Variants in PPP1R12A observed in about 807,000 individuals in gnomAD.
The protein encoded by PPP1R12A is protein phosphatase 1 regulatory subunit 12A, also known as myosin binding subunit.
PPP1R12A carries 19 observed loss-of-function variants against 139.6 expected under a neutral mutation model. The ratio of observed to expected loss-of-function variants is 0.14; its 90% CI spans 0.09 to 0.20. The LOEUF is 0.20. Among genes scored for constraint, PPP1R12A ranks in the 10% least tolerant of loss-of-function variants. The probability of loss-of-function intolerance (pLI) is 1.00; values close to 1 mark genes in which losing one functional copy is unlikely to be tolerated. For missense variants in PPP1R12A, 925 were observed against 1,211.5 expected, an observed-to-expected ratio of 0.76 and a Z score of 3.51; for synonymous variants, 427 against 420.6, an observed-to-expected ratio of 1.02 and a Z score of -0.19.
At chr12:79,899,735 T>C (rs1165737993) in intron 1 of PPP1R12A, among the ~76,000 whole-genome samples, 2 of 152,136 alleles carry the variant, frequency 1.3e-5, no homozygotes, top group Admixed American at 6.5e-5. Context: ...TGGCTAAACA[T>C]AAGGAGTGGA....
intron 1 of PPP1R12A, among the ~76,000 whole-genome samples, chr12:79,915,831 G>A (rs1886947174): frequency 6.6e-6 from 1 of 152,076 alleles, no homozygotes; most frequent in African/African-American, 2.4e-5. Context: ...CATGTATACA[G>A]TAGTTCACCC....
Position 79,776,490 on chromosome 12 carries a change from A to C in PPP1R12A, c.3007-475T>G, listed in dbSNP as rs1448189917. On this transcript the variant is annotated intron_variant, in intron 24 of 24. Transcript: ENST00000450142. ...AATTAGACTTGTTCTAAATTATTAAAATTCCTTAAACGATTCACCTACAGT... is the reference window on the plus strand; with the variant it reads ...AATTAGACTTGTTCTAAATTATTAACATTCCTTAAACGATTCACCTACAGT... Among the ~76,000 whole-genome samples the C allele has an allele frequency of 2.6e-5, 4 of 152,152 alleles. 1 individual carries two copies. The East Asian group carries it at 7.7e-4, about 29-fold the overall frequency.
chr12:79,776,639 T>C (rs1210264686), intron 24 of PPP1R12A, among the ~76,000 whole-genome samples: 1 of 152,024 alleles, frequency 6.6e-6, no homozygotes, highest in East Asian at 1.9e-4. Context: ...TCTGTATCTA[T>C]GATCCAACTA....
Position 79,872,813 on chromosome 12 carries a change from A to T in PPP1R12A, c.363T>A (p.Ile121=). Residue 121 remains isoleucine (I), a synonymous_variant, in exon 2 of 25, where the codon ATT becomes ATA. Transcript: ENST00000450142. ...AAAACACAGAACTGGCTTACTCTGC[A>T]ATATCAAGATATCCACAGGAAGCTG... The part of the protein sequence containing the change: ...HAAASCGYLD[I]AEFLIGQGAH... 1 of 1,613,518 alleles carries T rather than the reference A, an allele frequency of 6.2e-7. No individual in the cohort carries two copies. Among genetic ancestry groups the T allele is most frequent in the Non-Finnish European group, 8.5e-7 (1 of 1,179,644 alleles).
intron 16 of PPP1R12A, 77 bp from the exon 17 acceptor site, chr12:79,797,027 T>C: frequency 1.4e-6 from 2 of 1,476,300 alleles, no homozygotes; most frequent in Non-Finnish European, 1.8e-6. Flanking sequence ...AAAATTCATT[T>C]CAAAGAAAAA....
chr12:79,934,659 TC>T, intron 1 of PPP1R12A, 35 bp downstream of exon 1: 1 of 1,489,294 alleles, frequency 6.7e-7, no homozygotes, highest in Non-Finnish European at 9.0e-7. Context: ...ACGAGAACCC[TC>T]ACGGTCAGGA....
intron 2 of PPP1R12A, among the ~76,000 whole-genome samples, chr12:79,866,769 A>G (rs1302336676): frequency 6.6e-6 from 1 of 152,250 alleles, no homozygotes; most frequent in Non-Finnish European, 1.5e-5. Flanking sequence ...CCACAATGAG[A>G]TACCATCTCA....
chr12:79,910,513 T>C (rs1886483715), intron 1 of PPP1R12A, among the ~76,000 whole-genome samples: 2 of 149,742 alleles, frequency 1.3e-5, no homozygotes, highest in Non-Finnish European at 3.0e-5. Flanking sequence ...CCTTAAAAAG[T>C]ATACTTCAAA....
intron 22 of PPP1R12A, among the ~76,000 whole-genome samples, chr12:79,783,560 A>T (rs1385550486): frequency 6.6e-6 from 1 of 152,198 alleles, no homozygotes; most frequent in African/African-American, 2.4e-5. Context: ...AATTGCTAGA[A>T]ATATAAAACA....
intron 12 of PPP1R12A, chr12:79,806,783 T>TAG (rs1413887519): frequency 6.2e-6 from 1 of 161,452 alleles, no homozygotes; most frequent in East Asian, 1.8e-4. Context: ...TGGTTGCTTT[T>TAG]AGTAAAGAAA....
At chr12:79,864,791 A>ATTTAACTT (rs1263146575) in intron 2 of PPP1R12A, among the ~76,000 whole-genome samples, 4 of 152,368 alleles carry the variant, frequency 2.6e-5, no homozygotes, top group African/African-American at 9.6e-5. Context: ...AAATCTCTGA[A>ATTTAACTT]CAGGACAATA....
At chr12:79,935,306 A>T (rs557152554), upstream of PPP1R12A, 5 of 1,047,124 alleles carry the variant, frequency 4.8e-6, no homozygotes, top group East Asian at 4.1e-4. Context: ...TGGCTGGGCC[A>T]CCAGAGGGAA....
rs1265770345 is a variant in PPP1R12A, at chr12:79,872,890, C to T, written c.286G>A (p.Gly96Arg). The T allele has an allele frequency of 6.2e-7, 1 of 1,613,398 alleles. No individual in the cohort carries two copies. Residue 96 changes from glycine (G) to arginine (R), a missense_variant, in exon 2 of 25, where the codon GGA (glycine) becomes AGA (arginine). This residue lies in a region of PPP1R12A where 199 missense variants were observed against 352.4 expected (regional missense o/e 0.56). Transcript: ENST00000450142. ...TTATCAGGTTGATTAATATTTGCTC[C>T]ATTTTCTACCAGAAACTTCACCATA... ...VDMVKFLVEN[G>R]ANINQPDNEG...
At chr12:79,843,968 G>T (rs1399488967) in intron 3 of PPP1R12A, among the ~76,000 whole-genome samples, 1 of 152,102 alleles carries the variant, frequency 6.6e-6, no homozygotes, top group Non-Finnish European at 1.5e-5. Flanking sequence ...CTCCCAAAGT[G>T]CTGGGATTAC....
intron 8 of PPP1R12A, among the ~76,000 whole-genome samples, chr12:79,820,103 A>G (rs1284653114): frequency 6.6e-6 from 1 of 152,174 alleles, no homozygotes; most frequent in African/African-American, 2.4e-5. Flanking sequence ...AGACTATAAA[A>G]ATGAACTAGA....
chr12:79,776,859 T>C (rs1001493400), intron 24 of PPP1R12A, among the ~76,000 whole-genome samples: 1 of 152,132 alleles, frequency 6.6e-6, no homozygotes, highest in Non-Finnish European at 1.5e-5. Context: ...AACCATACTT[T>C]CCAAAATAGT....
intron 5 of PPP1R12A, among the ~76,000 whole-genome samples, chr12:79,826,783 G>A (rs191594887): frequency 3.4e-4 from 52 of 152,144 alleles, no homozygotes; most frequent in African/African-American, 1.3e-3. Flanking sequence ...ATTCAGTAGG[G>A]GAAACACACC....
chr12:79,839,396 T>C (rs1458467694), intron 3 of PPP1R12A, among the ~76,000 whole-genome samples: 8 of 152,032 alleles, frequency 5.3e-5, no homozygotes, highest in Non-Finnish European at 8.8e-5. Context: ...GTTAAGACTC[T>C]GGGGGACTGC....
chr12:79,861,700 G>A (rs1045377939), intron 2 of PPP1R12A, among the ~76,000 whole-genome samples: 4 of 152,188 alleles, frequency 2.6e-5, no homozygotes, highest in Non-Finnish European at 5.9e-5. Context: ...CTTGCTCACT[G>A]CTAGCACAGC....
Sources: allele counts gnomAD v4.1 joint callset (sites outside exome capture counted in the v4.1 genomes callset), GRCh38; gene constraint gnomAD v4.1.1; regional missense constraint gnomAD v4.1.1; transcripts MANE v1.5; gene names NCBI Gene and HGNC (gene_info 2026-07-23, HGNC 2026-07-21).